ATN1: variants seen among roughly 807,000 people sequenced by gnomAD.
The protein encoded by ATN1 is atrophin-1.
Under a neutral mutation model 85.8 loss-of-function variants are expected in ATN1, and 19 were observed. The observed-to-expected ratio is 0.22, with a 90% CI of 0.15 to 0.32. ATN1 has a LOEUF of 0.32. Ranked by LOEUF, ATN1 falls within the 10% of genes least tolerant of loss-of-function variation. The probability of loss-of-function intolerance (pLI) is 1.00; values close to 1 mark genes in which losing one functional copy is unlikely to be tolerated. For synonymous variants in ATN1, 674 were observed against 657.0 expected (o/e 1.03, Z -0.39); for missense variants, 1,453 against 1,564.5 (o/e 0.93, Z 1.20).
At chr12:6,927,544 C>T (rs1945410273), upstream of ATN1, among the ~76,000 whole-genome samples, 1 of 151,942 alleles carries the variant, frequency 6.6e-6, no homozygotes, top group South Asian at 2.1e-4. Flanking sequence ...TCTCCCGCGC[C>T]GGGCCCGCGG....
In ATN1 at chr12:6,936,837, T is replaced by A; in HGVS notation, c.1570T>A (p.Ser524Thr). Residue 524 changes from serine to threonine, a missense_variant, in exon 5 of 10, where the codon TCC becomes ACC. By Grantham distance (58) the Ser-to-Thr change is moderately conservative. This residue lies in a region of ATN1 where 990 missense variants were observed against 914.8 expected (regional missense o/e 1.08). Coordinates refer to ENST00000396684, the MANE Select transcript of ATN1 (RefSeq NM_001940.4). ...TCCCCACCCACTGGAGGGCGGTAGCTCCCACCACGCACACCCTTACGCCAT... is the reference window on the plus strand; with the variant it reads ...TCCCCACCCACTGGAGGGCGGTAGCACCCACCACGCACACCCTTACGCCAT... ...AFPHPLEGGS[S>T]HHAHPYAMSP... 6.2e-7 allele frequency: 1 copy of A among 1,613,440 alleles called. No individual in the cohort carries two copies. The highest frequency in any genetic ancestry group is 8.5e-7 in the Non-Finnish European group (1 of 1,179,824).
Position 6,937,485 on chromosome 12 carries a change from C to A in ATN1, c.2218C>A (p.Pro740Thr). Residue 740 changes from proline to threonine, a missense_variant, in exon 5 of 10, where the codon CCG becomes ACG. Pro to Thr is a conservative substitution (Grantham distance 38). Around this residue, in one of 6 missense-constraint regions of ATN1, gnomAD observed 990 missense variants for 914.8 expected, o/e 1.08. Coordinates refer to ENST00000396684, the MANE Select transcript of ATN1 (RefSeq NM_001940.4). The surrounding 1 kb of genome is among the most constrained non-coding windows in gnomAD (Gnocchi z 6.0). ...PAEEYETPES[P>T]VPPARSPSPP... ...TGAGGAGTATGAGACCCCCGAGAGC[C>A]CGGTGCCCCCAGCCCGCAGCCCCTC... The A allele has an allele frequency of 6.5e-7, 1 of 1,545,976 alleles. No homozygotes were observed. Among genetic ancestry groups the A allele is most frequent in the South Asian group, 1.2e-5 (1 of 84,112 alleles).
At chr12:6,938,171 C>G (rs1565568472) in intron 6 of ATN1, 104 bp downstream of exon 6, 1 of 1,440,936 alleles carries the variant, frequency 6.9e-7, no homozygotes, top group Admixed American at 2.7e-5. Context: ...GCTGGGTGGG[C>G]GGGCGAGTCA....
At chr12:6,940,825 A>G in intron 7 of ATN1, 55 bp from the exon 8 acceptor site, 2 of 1,610,056 alleles carry the variant, frequency 1.2e-6, no homozygotes, top group African/African-American at 2.7e-5. Context: ...ACCCAAATGC[A>G]TGGTTTGCCC....
intron 7 of ATN1, among the ~76,000 whole-genome samples, chr12:6,940,312 C>T (rs1332662870): frequency 2.6e-5 from 4 of 152,116 alleles, no homozygotes; most frequent in African/African-American, 9.7e-5. Flanking sequence ...TTTGCCCAGA[C>T]TGGAGTGCAG....
Position 6,935,582 on chromosome 12 carries a change from G to A in ATN1, c.315G>A (p.Leu105=). Residue 105 remains leucine (L), a synonymous_variant, in exon 5 of 10, where the codon CTG becomes CTA. Transcript: ENST00000396684. This position sits in a 1 kb window ranked among gnomAD's most constrained non-coding sequence, Gnocchi z 5.3. ...ELPRPQSPSD[L]DSLDGRSLND... ...CTCGGCCACAGTCTCCCTCCGATCTGGATAGCTTGGACGGGCGGAGCCTTA... is the reference window on the plus strand; with the variant it reads ...CTCGGCCACAGTCTCCCTCCGATCTAGATAGCTTGGACGGGCGGAGCCTTA... 1.9e-6 allele frequency: 3 copies of A among 1,613,922 alleles called. No individual in the cohort carries two copies. Among genetic ancestry groups the A allele is most frequent in the Non-Finnish European group, 2.5e-6 (3 of 1,179,862 alleles).
chr12:6,938,130 G>A (rs899657448), intron 6 of ATN1, 63 bp downstream of exon 6: 2 of 1,482,500 alleles, frequency 1.3e-6, no homozygotes, highest in Non-Finnish European at 1.8e-6. Context: ...CCTCTGCGCT[G>A]CGCTGCGCTA....
rs1348567254 is a variant in ATN1 at position 6,936,124 on chromosome 12, C to T, written c.857C>T (p.Pro286Leu). 9.1e-6 allele frequency: 14 copies of T among 1,530,888 alleles called. No individual in the cohort carries two copies. The highest frequency in any genetic ancestry group is 1.2e-5 in the Non-Finnish European group (14 of 1,140,126). The allele number at this position is 1,530,888 out of a possible 1,614,324, so 94.8% of individuals were successfully genotyped here. ...PTTPVGGGNL[P>L]SAPPPANFPH... ...ACTCCAGTGGGTGGTGGGAACCTACCTTCTGCTCCACCACCAGCCAACTTC... is the reference window on the plus strand; with the variant it reads ...ACTCCAGTGGGTGGTGGGAACCTACTTTCTGCTCCACCACCAGCCAACTTC... Residue 286 changes from proline to leucine, a missense_variant, in exon 5 of 10, where the codon CCT (proline) becomes CTT (leucine). Transcript: ENST00000396684.
chr12:6,929,196 C>T (rs1198372051), intron 1 of ATN1, among the ~76,000 whole-genome samples: 1 of 152,118 alleles, frequency 6.6e-6, no homozygotes, highest in Non-Finnish European at 1.5e-5. Flanking sequence ...GAAAGGGGTT[C>T]TGGGAGGATG....
intron 6 of ATN1, among the ~76,000 whole-genome samples, 155 bp from the exon 7 acceptor site, chr12:6,938,326 T>G (rs1468086413): frequency 6.6e-6 from 1 of 152,196 alleles, no homozygotes; most frequent in Non-Finnish European, 1.5e-5. Context: ...GGGCAAATAT[T>G]CGGGAGCGGG....
At chr12:6,940,592 T>C (rs1197096129) in intron 7 of ATN1, among the ~76,000 whole-genome samples, 1 of 152,154 alleles carries the variant, frequency 6.6e-6, no homozygotes, top group East Asian at 1.9e-4. Context: ...TTTCTAAACT[T>C]CTATCATCTT....
rs1945553488 is a variant in ATN1, at chr12:6,937,114, C to A, written c.1847C>A (p.Thr616Lys). The A allele has an allele frequency of 6.2e-7, 1 of 1,611,730 alleles. No homozygotes were observed. Among genetic ancestry groups the A allele is most frequent in the Non-Finnish European group, 8.5e-7 (1 of 1,180,034 alleles). The change falls in exon 5 of 10, where the codon ACG becomes AAG. Residue 616 changes from threonine (T) to lysine (K), a missense_variant. Physicochemically the swap from Thr to Lys is moderately conservative, Grantham distance 78 (BLOSUM62 -1). This residue lies in a region of ATN1 where 990 missense variants were observed against 914.8 expected (regional missense o/e 1.08). Transcript: ENST00000396684. This position sits in a 1 kb window ranked among gnomAD's most constrained non-coding sequence, Gnocchi z 6.0. ...ACCACCTCTTCGGCTACCCTTTCCA[C>A]GGTCATTGCCACCGTGGCTTCCTCG... ...TVTTSSATLS[T>K]VIATVASSPA...
chr12:6,927,225 T>G (rs1555142658), upstream of ATN1, among the ~76,000 whole-genome samples: 2 of 151,140 alleles, frequency 1.3e-5, no homozygotes, highest in African/African-American at 4.9e-5. Context: ...TCTATATATG[T>G]CATCTTTTCA....
upstream of ATN1, among the ~76,000 whole-genome samples, chr12:6,924,715 G>T (rs1363885184): frequency 2.0e-5 from 3 of 151,732 alleles, no homozygotes; most frequent in Middle Eastern, 3.2e-3. Context: ...TTTAGTTTCA[G>T]TGTGGGCATC....
chr12:6,938,050 G>C lies in ATN1; in HGVS notation c.2500G>C (p.Glu834Gln), dbSNP rs1452077311. The change falls in exon 6 of 10, where the codon GAG becomes CAG. Residue 834 changes from glutamate (E) to glutamine (Q), a missense_variant. By Grantham distance (29) the Glu-to-Gln change is conservative. Around this residue, in one of 6 missense-constraint regions of ATN1, gnomAD observed 990 missense variants for 914.8 expected, o/e 1.08. Coordinates refer to ENST00000396684, the MANE Select transcript of ATN1 (RefSeq NM_001940.4). ...AGAGCGCGAGCGCGAGAAGGAGCGC[G>C]AGCTTGAACGCAGCGTGGTGAGTGC... ...EKEREREKER[E>Q]LERSVKLAQE... 1.3e-6 allele frequency: 2 copies of C among 1,545,844 alleles called. No homozygotes were observed. Among genetic ancestry groups the C allele is most frequent in the East Asian group, 4.9e-5 (2 of 40,882 alleles).
chr12:6,938,495 G>A lies in ATN1; in HGVS notation c.2532G>A (p.Glu844=), dbSNP rs782614286. 4 of 1,606,476 alleles carry A rather than the reference G, an allele frequency of 2.5e-6. No homozygotes were observed. In the Admixed American group the frequency reaches 5.0e-5, roughly 20 times the overall value. ...GTATCCCACAGAAGTTGGCTCAGGA[G>A]GGCCGTGCTCCGGTGGAATGCCCAT... The part of the protein sequence containing the change: ...ELERSVKLAQ[E]GRAPVECPSL... Residue 844 remains glutamate (E), a synonymous_variant, in exon 7 of 10, where the codon GAG becomes GAA. Coordinates refer to ENST00000396684, the MANE Select transcript of ATN1 (RefSeq NM_001940.4).
intron 1 of ATN1, among the ~76,000 whole-genome samples, chr12:6,932,361 A>G (rs965180143): frequency 1.3e-5 from 2 of 152,218 alleles, no homozygotes; most frequent in Admixed American, 6.5e-5. Context: ...AGAAAGACCT[A>G]CTGATGTTAG....
intron 7 of ATN1, among the ~76,000 whole-genome samples, chr12:6,940,329 G>A (rs1945618569): frequency 6.6e-6 from 1 of 151,960 alleles, no homozygotes. Flanking sequence ...GCAGTGGCGC[G>A]ATCTCGGCTC....
At chr12:6,932,147 A>C (rs1945474635) in intron 1 of ATN1, among the ~76,000 whole-genome samples, 1 of 151,940 alleles carries the variant, frequency 6.6e-6, no homozygotes, top group South Asian at 2.1e-4. Context: ...TAAATTGTGA[A>C]GTTTCCTGGA....
Sources: gnomAD v4.1 joint callset for allele counts (sites outside exome capture counted in the v4.1 genomes callset) on GRCh38, gnomAD v4.1.1 for gene constraint, gnomAD v4.1.1 regional missense constraint, Gnocchi (gnomAD v3.1) non-coding constraint, MANE v1.5 for transcripts, NCBI Gene and HGNC (gene_info 2026-07-23, HGNC 2026-07-21) for gene names.